TCF12: variants seen among roughly 807,000 people sequenced by gnomAD.
TCF12 encodes transcription factor 12, also known as DNA-binding protein HTF4.
Under a neutral mutation model 86.0 loss-of-function variants are expected in TCF12, and 45 were observed. That is an observed-to-expected ratio of 0.52 (90% CI 0.41 to 0.67). The LOEUF is 0.67. Among genes scored for constraint, TCF12 ranks in the 30% least tolerant of loss-of-function variants. TCF12 has a pLI of 0.00. For synonymous variants in TCF12, 330 were observed against 299.6 expected, an observed-to-expected ratio of 1.10 and a Z score of -1.05; for missense variants, 881 against 859.9, an observed-to-expected ratio of 1.02 and a Z score of -0.31.
rs570623178 is a variant in TCF12, at chr15:57,164,928, G to A, written c.326-1474G>A. 2.7e-4 allele frequency among the ~76,000 whole-genome samples: 41 copies of A among 152,232 alleles called. No homozygotes were observed. The South Asian group carries it at 4.6e-3, about 17-fold the overall frequency. ...ACTCCTGACCTCAGGTTATCCGCCC[G>A]CCTCGGCCTCCCAAAGTGCTGGGAT... On this transcript the variant is annotated intron_variant, in intron 5 of 20. Coordinates refer to ENST00000333725, the MANE Select transcript of TCF12 (RefSeq NM_207037.2).
intron 5 of TCF12, among the ~76,000 whole-genome samples, chr15:57,159,772 A>T (rs922088405): frequency 6.6e-6 from 1 of 152,258 alleles, no homozygotes; most frequent in Admixed American, 6.5e-5. Flanking sequence ...ATTCAAATTT[A>T]TGAATGCAAA....
chr15:57,012,027 G>A (rs2064864911), intron 3 of TCF12, among the ~76,000 whole-genome samples: 1 of 152,240 alleles, frequency 6.6e-6, no homozygotes, highest in Non-Finnish European at 1.5e-5. Flanking sequence ...TCATTTATAA[G>A]TGTTTGTATT....
In TCF12 at chr15:57,154,963, C is replaced by T. The variant is rs908778299; in HGVS notation, c.326-11439C>T. Among the ~76,000 whole-genome samples the T allele has an allele frequency of 9.9e-5, 15 of 152,266 alleles. No homozygotes were observed. In the South Asian group the frequency reaches 1.7e-3, roughly 17 times the overall value. ...TTACCCCTTGTTTGTCACTGTTCCA[C>T]GCACTTAAGATGTTAATACATTTTA... On this transcript the variant is annotated intron_variant, in intron 5 of 20. Transcript: ENST00000333725.
At chr15:57,257,861 C>T (rs545385825) in intron 16 of TCF12, among the ~76,000 whole-genome samples, 15 of 152,098 alleles carry the variant, frequency 9.9e-5, no homozygotes, top group Admixed American at 3.3e-4. Flanking sequence ...AATTTTAAAG[C>T]GCGAAATCAA....
chr15:57,100,171 A>G (rs1334439767), intron 5 of TCF12, among the ~76,000 whole-genome samples: 1 of 152,160 alleles, frequency 6.6e-6, no homozygotes, highest in Non-Finnish European at 1.5e-5. Flanking sequence ...ACTCCTAACC[A>G]GAGATGTTCT....
intron 3 of TCF12, among the ~76,000 whole-genome samples, chr15:56,931,989 A>G (rs915548436): frequency 6.6e-6 from 1 of 152,198 alleles, no homozygotes; most frequent in Non-Finnish European, 1.5e-5. Flanking sequence ...GCAGGAACAC[A>G]AAACATGCCA....
intron 3 of TCF12, among the ~76,000 whole-genome samples, chr15:57,037,284 A>G (rs1158430217): frequency 1.2e-4 from 19 of 152,096 alleles, no homozygotes. Context: ...CCCCATCTTT[A>G]CTAAAAATTA....
Position 57,126,166 on chromosome 15 carries a change from A to G in TCF12, c.325+34275A>G, listed in dbSNP as rs1262586572. ...TGAGATGAGAGGATCAGTTGAGCTC[A>G]GGAGGAGAAAATTGCACTGAGCTAA... On this transcript the variant is annotated intron_variant, in intron 5 of 20. Transcript: ENST00000333725. 3.9e-5 allele frequency among the ~76,000 whole-genome samples: 6 copies of G among 152,194 alleles called. No homozygotes were observed. In the East Asian group the frequency reaches 1.2e-3, roughly 29 times the overall value.
At chr15:57,185,093 A>G (rs1304342962) in intron 6 of TCF12, among the ~76,000 whole-genome samples, 3 of 152,218 alleles carry the variant, frequency 2.0e-5, no homozygotes, top group Non-Finnish European at 4.4e-5. Context: ...TGTAGCCTTC[A>G]TATTCACATT....
chr15:56,920,074 G>A, intron 2 of TCF12, 86 bp downstream of exon 2: 4 of 1,487,782 alleles, frequency 2.7e-6, no homozygotes, highest in Non-Finnish European at 3.7e-6. Flanking sequence ...AAGGGTGAGG[G>A]GAAGCAACGT....
intron 5 of TCF12, among the ~76,000 whole-genome samples, chr15:57,103,983 G>T (rs1567429741): frequency 6.6e-6 from 1 of 152,078 alleles, no homozygotes; most frequent in Non-Finnish European, 1.5e-5. Context: ...ATTCCAGCCT[G>T]GGTTACAGAG....
intron 3 of TCF12, among the ~76,000 whole-genome samples, chr15:57,063,139 G>A (rs997007025): frequency 6.6e-6 from 1 of 152,184 alleles, no homozygotes; most frequent in Admixed American, 6.5e-5. Flanking sequence ...CTGCTTATTT[G>A]AAATCAAATT....
At chr15:57,108,853 T>G (rs184619550) in intron 5 of TCF12, among the ~76,000 whole-genome samples, 1 of 152,232 alleles carries the variant, frequency 6.6e-6, no homozygotes, top group Non-Finnish European at 1.5e-5. Flanking sequence ...AATGAAAATA[T>G]ACTTTCCTCT....
At chr15:57,208,070 G>A (rs1173566242) in intron 8 of TCF12, among the ~76,000 whole-genome samples, 1 of 147,128 alleles carries the variant, frequency 6.8e-6, no homozygotes. Flanking sequence ...GTATTGCTCA[G>A]TCGCTCAGGC....
chr15:56,920,929 A>T (rs1308305311), intron 2 of TCF12, 97 bp from the exon 3 acceptor site: 2 of 895,204 alleles, frequency 2.2e-6, no homozygotes, highest in African/African-American at 3.4e-5. Context: ...CTTCCCTCTG[A>T]AATTTAATAA....
rs2062028965 is a variant in TCF12 at position 57,289,309 on chromosome 15, T to C, written c.*3164T>C. On this transcript the variant is annotated 3_prime_UTR_variant, in exon 21 of 21. Transcript: ENST00000333725. ...AAAGCTCTAAGAAGAAAATGTATAA[T>C]CTTAGAGCTGAAATAAAATATAGAG... 6.6e-6 allele frequency: 1 copy of C among 152,178 alleles called. No individual in the cohort carries two copies. The highest frequency in any genetic ancestry group is 1.5e-5 in the Non-Finnish European group (1 of 68,030). 9.4% of individuals were successfully genotyped at this position (152,178 alleles called of 1,614,324 possible).
At chr15:57,019,653 G>A (rs756244714) in intron 3 of TCF12, among the ~76,000 whole-genome samples, 1 of 152,084 alleles carries the variant, frequency 6.6e-6, no homozygotes, top group African/African-American at 2.4e-5. Context: ...CATGAGTCAC[G>A]GGTCCCAGTG....
At chr15:57,043,348 T>C (rs1045054345) in intron 3 of TCF12, among the ~76,000 whole-genome samples, 1 of 152,190 alleles carries the variant, frequency 6.6e-6, no homozygotes, top group Admixed American at 6.5e-5. Context: ...TTTTAATTTT[T>C]TAAGGACCTG....
intron 18 of TCF12, among the ~76,000 whole-genome samples, chr15:57,269,274 T>C (rs779073952): frequency 1.1e-4 from 16 of 151,966 alleles, no homozygotes; most frequent in Admixed American, 2.6e-4. Flanking sequence ...TTTACCATTA[T>C]GTAATGGCCT....
Sources: gnomAD v4.1 joint callset for allele counts (sites outside exome capture counted in the v4.1 genomes callset) on GRCh38, gnomAD v4.1.1 for gene constraint, MANE v1.5 for transcripts, NCBI Gene and HGNC (gene_info 2026-07-23, HGNC 2026-07-21) for gene names.